Variants in GPR78 observed in about 807,000 individuals in gnomAD.
GPR78 encodes the protein G protein-coupled receptor 78.
GPR78 carries 29 observed loss-of-function variants against 17.9 expected under a neutral mutation model. The observed-to-expected ratio is 1.62, with a 90% CI of 1.20 to 2.21. The LOEUF (loss-of-function observed/expected upper bound fraction) is 2.21. Ranked by LOEUF, GPR78 falls within the 30% of genes most tolerant of loss-of-function variation. The probability of loss-of-function intolerance (pLI) is 0.00; values close to 1 mark genes in which losing one functional copy is unlikely to be tolerated. For missense variants in GPR78, 649 were observed against 530.5 expected, an observed-to-expected ratio of 1.22 and a Z score of -2.19; for synonymous variants, 349 against 256.9, an observed-to-expected ratio of 1.36 and a Z score of -3.43.
rs964730121 is a variant in GPR78 at position 8,589,802 on chromosome 4, A to G, written c.*2439A>G. ...GCTGTCATGTTTCGCCTTCCTCGGC[A>G]GCTCCATGGAATGTTCTGGAGCAGG... On this transcript the variant is annotated 3_prime_UTR_variant, in exon 3 of 3. Transcript: ENST00000382487. 2.6e-5 allele frequency among the ~76,000 whole-genome samples: 4 copies of G among 152,034 alleles called. No individual in the cohort carries two copies. Among genetic ancestry groups the G allele is most frequent in the African/African-American group, 9.7e-5 (4 of 41,388 alleles).
Position 8,587,088 on chromosome 4 carries a change from G to T in GPR78, c.817G>T (p.Ala273Ser), listed in dbSNP as rs752766314. Residue 273 changes from alanine to serine, a missense_variant, in exon 3 of 3, where the codon GCC (alanine) becomes TCC (serine). Transcript: ENST00000382487. ...GCTCGTGCCCTTCGTCACCGTGAAC[G>T]CCCAGTGGGGCATCCTCAGCAAGTG... Reference protein sequence around the residue: ...AELVPFVTVNAQWGILSKCLT... With the variant: ...AELVPFVTVNSQWGILSKCLT... The T allele has an allele frequency of 6.8e-6, 11 of 1,612,976 alleles. No individual in the cohort carries two copies. Among genetic ancestry groups the T allele is most frequent in the South Asian group, 3.3e-5 (3 of 91,060 alleles).
rs889161969 is a variant in GPR78, at chr4:8,580,674, G to A, written c.-309G>A. On this transcript the variant is annotated 5_prime_UTR_variant, in exon 1 of 3. Coordinates refer to ENST00000382487, the MANE Select transcript of GPR78 (RefSeq NM_080819.5). ...CCTACGCCCCGCGCCCCTGCGCCTC[G>A]CTTCAGCCTCAGGACAGTCCTGCCG... 4.5e-6 allele frequency: 2 copies of A among 445,982 alleles called. No individual in the cohort carries two copies. The highest frequency in any genetic ancestry group is 4.9e-5 in the South Asian group (1 of 20,236). The allele number at this position is 445,982 out of a possible 1,614,324, so 27.6% of individuals were successfully genotyped here.
rs1346896012 is a variant in GPR78 at position 8,589,482 on chromosome 4, C to A, written c.*2119C>A. 1.3e-5 allele frequency among the ~76,000 whole-genome samples: 2 copies of A among 152,080 alleles called. No individual in the cohort carries two copies. The highest frequency in any genetic ancestry group is 2.4e-5 in the African/African-American group (1 of 41,404). ...TCGAGACCGTGCTGCACCCCGGTGC[C>A]CCTGTGCTTATAAGGGAGGGCACGT... On this transcript the variant is annotated 3_prime_UTR_variant, in exon 3 of 3. Coordinates refer to ENST00000382487, the MANE Select transcript of GPR78 (RefSeq NM_080819.5).
rs138605477 is a variant in GPR78, at chr4:8,581,115, C to T, written c.133C>T (p.Leu45=). The T allele has an allele frequency of 1.2e-5, 20 of 1,606,250 alleles. No homozygotes were observed. In the African/African-American group the frequency reaches 2.1e-4, roughly 17 times the overall value. Residue 45 remains leucine (L), a synonymous_variant, in exon 1 of 3, where the codon CTG becomes TTG. Coordinates refer to ENST00000382487, the MANE Select transcript of GPR78 (RefSeq NM_080819.5). Reference sequence around the variant, plus strand: ...CCGCACTCGAGCCTCAGGCGTCCTCCTGGTGAATCTGTCTCTGGGCCACCT... The same window carrying T: ...CCGCACTCGAGCCTCAGGCGTCCTCTTGGTGAATCTGTCTCTGGGCCACCT... ...ELRTRASGVL[L]VNLSLGHLLL... is the part of the protein sequence containing the mutation.
chr4:8,582,883 G>A (rs1713356907), intron 2 of GPR78: 1 of 484,760 alleles, frequency 2.1e-6, no homozygotes, highest in Non-Finnish European at 3.7e-6. Flanking sequence ...TCCAGGCACA[G>A]GCAGATATGG....
chr4:8,581,146 T>G lies in GPR78; in HGVS notation c.164T>G (p.Leu55Arg), dbSNP rs1354318931. ...LVNLSLGHLL[L>R]AALDMPFTLL... ...AATCTGTCTCTGGGCCACCTGCTGCTGGCGGCGCTGGACATGCCCTTCACG... is the reference window on the plus strand; with the variant it reads ...AATCTGTCTCTGGGCCACCTGCTGCGGGCGGCGCTGGACATGCCCTTCACG... The change falls in exon 1 of 3, where the codon CTG becomes CGG. Residue 55 changes from leucine to arginine, a missense_variant. By Grantham distance (102) the Leu-to-Arg change is moderately radical. Transcript: ENST00000382487. 2 of 1,604,424 alleles carry G rather than the reference T, an allele frequency of 1.2e-6. No individual in the cohort carries two copies. The highest frequency in any genetic ancestry group is 2.7e-5 in the African/African-American group (2 of 74,922).
intron 2 of GPR78, among the ~76,000 whole-genome samples, chr4:8,585,240 G>A (rs947504219): frequency 6.6e-6 from 1 of 152,172 alleles, no homozygotes; most frequent in Admixed American, 6.5e-5. Flanking sequence ...ACACGTGAGC[G>A]AGCCCTCTTC....
At chr4:8,582,751 C>G (rs564777172) in intron 2 of GPR78, 107 bp downstream of exon 2, 2 of 754,314 alleles carry the variant, frequency 2.7e-6, no homozygotes, top group Admixed American at 3.6e-5. Flanking sequence ...GGGCGGCCAC[C>G]ACCAGAGGAC....
intron 2 of GPR78, among the ~76,000 whole-genome samples, chr4:8,585,649 G>A (rs1425819597): frequency 6.6e-6 from 1 of 152,204 alleles, no homozygotes; most frequent in African/African-American, 2.4e-5. Context: ...GGTGGTTAGA[G>A]CCATGACTGC....
At position 8,589,734 on chromosome 4, in the gene GPR78, G is replaced by A. The variant is rs1713677917; in HGVS notation, c.*2371G>A. Among the ~76,000 whole-genome samples the A allele has an allele frequency of 6.6e-6, 1 of 152,158 alleles. No homozygotes were observed. Among genetic ancestry groups the A allele is most frequent in the South Asian group, 2.1e-4 (1 of 4,838 alleles). ...ACCCTGCCCTGCTGGAAGGCACCAT[G>A]GTTAGAGGGAGGCACACTGTTTCTT... On this transcript the variant is annotated 3_prime_UTR_variant, in exon 3 of 3. Transcript: ENST00000382487.
rs763814847 is a variant in GPR78 at position 8,581,533 on chromosome 4, C to T, written c.551C>T (p.Pro184Leu). Residue 184 changes from proline (P) to leucine (L), a missense_variant, in exon 1 of 3, where the codon CCG becomes CTG. Transcript: ENST00000382487. ...ATLHAVGFVL[P>L]LAVLCLTSLQ... ...CTCCATGCCGTGGGCTTCGTGCTGCCGCTGGCGGTGCTCTGCCTCACCTCG... is the reference window on the plus strand; with the variant it reads ...CTCCATGCCGTGGGCTTCGTGCTGCTGCTGGCGGTGCTCTGCCTCACCTCG... The T allele has an allele frequency of 9.5e-6, 15 of 1,587,246 alleles. No individual in the cohort carries two copies. The highest frequency in any genetic ancestry group is 3.4e-4 in the Middle Eastern group (2 of 5,964).
Position 8,580,926 on chromosome 4 carries a change from C to A in GPR78, c.-57C>A. ...TGCTCCATCGCCTCACTTTCCCAGG[C>A]TCGCGCCCGAAGCAGAGCCATGAGA... On this transcript the variant is annotated 5_prime_UTR_variant, in exon 1 of 3. Coordinates refer to ENST00000382487, the MANE Select transcript of GPR78 (RefSeq NM_080819.5). The A allele has an allele frequency of 7.0e-7, 1 of 1,425,470 alleles. No individual in the cohort carries two copies. The highest frequency in any genetic ancestry group is 9.2e-7 in the Non-Finnish European group (1 of 1,081,848). The allele number at this position is 1,425,470 out of a possible 1,614,324, so 88.3% of individuals were successfully genotyped here.
intron 2 of GPR78, among the ~76,000 whole-genome samples, chr4:8,586,218 G>T (rs375575317): frequency 6.6e-6 from 1 of 152,142 alleles, no homozygotes; most frequent in East Asian, 1.9e-4. Context: ...GGAGGGGTCC[G>T]TCAGAGTCCC....
rs1267598286 is a variant in GPR78, at chr4:8,580,445, G to C, written c.-538G>C. On this transcript the variant is annotated 5_prime_UTR_variant, in exon 1 of 3. Coordinates refer to ENST00000382487, the MANE Select transcript of GPR78 (RefSeq NM_080819.5). ...CAGCGCCTGGAGGGAGAGGCGTGGCGAGGGCTGTGCTGCCTAGGATCCACT... is the reference window on the plus strand; with the variant it reads ...CAGCGCCTGGAGGGAGAGGCGTGGCCAGGGCTGTGCTGCCTAGGATCCACT... 1 of 153,166 alleles carries C rather than the reference G, an allele frequency of 6.5e-6. No individual in the cohort carries two copies. The highest frequency in any genetic ancestry group is 1.5e-5 in the Non-Finnish European group (1 of 68,806). 9.5% of individuals were successfully genotyped at this position (153,166 alleles called of 1,614,324 possible).
In GPR78 at chr4:8,587,137, C is replaced by T; in HGVS notation, c.866C>T (p.Ala289Val). Residue 289 changes from alanine to valine, a missense_variant, in exon 3 of 3, where the codon GCC becomes GTC. Transcript: ENST00000382487. ...TGCCTGACCTACAGCAAGGCGGTGG[C>T]CGACCCGTTCACGTACTCTCTGCTC... ...SKCLTYSKAV[A>V]DPFTYSLLRR... 6.2e-7 allele frequency: 1 copy of T among 1,613,368 alleles called. No homozygotes were observed. The highest frequency in any genetic ancestry group is 8.5e-7 in the Non-Finnish European group (1 of 1,179,986).
At position 8,581,240 on chromosome 4, in the gene GPR78, C is replaced by T. The variant is rs1426656270; in HGVS notation, c.258C>T (p.Asp86=). The T allele has an allele frequency of 6.3e-6, 10 of 1,595,182 alleles. No individual in the cohort carries two copies. The highest frequency in any genetic ancestry group is 1.3e-5 in the African/African-American group (1 of 74,852). Residue 86 remains aspartate, a synonymous_variant, in exon 1 of 3, where the codon GAC becomes GAT. Coordinates refer to ENST00000382487, the MANE Select transcript of GPR78 (RefSeq NM_080819.5). ...CATGCCAAGTCATTGGCTTCCTGGACACCTTCCTGGCGTCCAACGCGGCGC... is the reference window on the plus strand; with the variant it reads ...CATGCCAAGTCATTGGCTTCCTGGATACCTTCCTGGCGTCCAACGCGGCGC... ...PGACQVIGFL[D]TFLASNAALS...
chr4:8,586,876 T>C (rs1223383616), intron 2 of GPR78, among the ~76,000 whole-genome samples, 178 bp from the exon 3 acceptor site: 1 of 152,192 alleles, frequency 6.6e-6, no homozygotes, highest in African/African-American at 2.4e-5. Context: ...CTGGGCCTTG[T>C]AATCCCATTT....
At chr4:8,581,706 G>T (rs757160237) in intron 1 of GPR78, 56 bp downstream of exon 1, 42 of 1,346,986 alleles carry the variant, frequency 3.1e-5, no homozygotes, top group Non-Finnish European at 3.9e-5. Context: ...CGCTCCCTGG[G>T]CAGTTGGCTT....
rs1713656500 is a variant in GPR78 at position 8,589,429 on chromosome 4, T to G, written c.*2066T>G. 6.6e-6 allele frequency among the ~76,000 whole-genome samples: 1 copy of G among 152,048 alleles called. No individual in the cohort carries two copies. The highest frequency in any genetic ancestry group is 1.5e-5 in the Non-Finnish European group (1 of 68,016). ...TCACAGAGGGCACAGGTGGGTGTCA[T>G]GCCCTGGTTCACAGAGGGCACGTGA... On this transcript the variant is annotated 3_prime_UTR_variant, in exon 3 of 3. Coordinates refer to ENST00000382487, the MANE Select transcript of GPR78 (RefSeq NM_080819.5).
Sources: gnomAD v4.1 joint callset for allele counts (sites outside exome capture counted in the v4.1 genomes callset) on GRCh38, gnomAD v4.1.1 for gene constraint, MANE v1.5 for transcripts, NCBI Gene and HGNC (gene_info 2026-07-23, HGNC 2026-07-21) for gene names.